Variants in ATAD5 observed in about 807,000 individuals in gnomAD.
ATAD5 encodes the protein ATPase family AAA domain-containing protein 5.
ATAD5 carries 58 observed loss-of-function variants against 176.9 expected under a neutral mutation model. The observed-to-expected ratio is 0.33, with a 90% CI of 0.27 to 0.41. The LOEUF (loss-of-function observed/expected upper bound fraction) is 0.41, where lower values mean the gene tolerates loss of function less well. ATAD5 is among the 10% of genes least tolerant of loss of function. The pLI, the probability that ATAD5 is intolerant of heterozygous loss-of-function variation, is 1.00. For synonymous variants in ATAD5, 640 were observed against 712.6 expected, an observed-to-expected ratio of 0.90 and a Z score of 1.62; for missense variants, 1,789 against 2,094.1, an observed-to-expected ratio of 0.85 and a Z score of 2.84.
chr17:30,879,736 G>A (rs1179636883), intron 18 of ATAD5, among the ~76,000 whole-genome samples: 3 of 151,744 alleles, frequency 2.0e-5, no homozygotes, highest in South Asian at 2.1e-4. Context: ...CTAATTTTTT[G>A]TATTTTTAGT....
At position 30,893,363 on chromosome 17, in the gene ATAD5, G is replaced by A; in HGVS notation, c.4510G>A (p.Val1504Ile). ...TCTTACAGAATTCCAAATGCGGAAT[G>A]TAGATTTTTTATATAGTAATCTTGA... is the stretch of plus-strand genomic sequence containing the variant. ...QLLTEFQMRN[V>I]DFLYSNLEFI... The change falls in exon 21 of 23, where the codon GTA (valine) becomes ATA (isoleucine). Residue 1504 changes from valine (V) to isoleucine (I), a missense_variant. Physicochemically the swap from Val to Ile is conservative, Grantham distance 29. Transcript: ENST00000321990. The A allele has an allele frequency of 1.3e-6, 2 of 1,598,038 alleles. No homozygotes were observed. The highest frequency in any genetic ancestry group is 1.7e-6 in the Non-Finnish European group (2 of 1,174,408).
intron 3 of ATAD5, 58 bp from the exon 4 acceptor site, chr17:30,840,556 CTAT>C (rs1310929754): frequency 8.8e-6 from 10 of 1,142,154 alleles, no homozygotes; most frequent in South Asian, 4.2e-5. Flanking sequence ...GTATTTTTTT[CTAT>C]TATTAAATAT....
At chr17:30,869,123 GC>G (rs2052430948) in intron 12 of ATAD5, 124 bp from the exon 13 acceptor site, 3 of 1,162,466 alleles carry the variant, frequency 2.6e-6, no homozygotes, top group South Asian at 3.1e-5. Context: ...ACTGCGTCCG[GC>G]CTGTATAAAG....
intron 17 of ATAD5, 22 bp from the exon 18 acceptor site, chr17:30,879,401 T>TGTG: frequency 7.4e-7 from 1 of 1,352,286 alleles, no homozygotes; most frequent in Non-Finnish European, 1.0e-6. Flanking sequence ...TTTTTTTTTT[T>TGTG]TGTGTGTGTG....
chr17:30,881,838 TGG>T lies in ATAD5; in HGVS notation c.4077+2353_4077+2354del, dbSNP rs1332108624. On this transcript the variant is annotated intron_variant, in intron 18 of 22. Transcript: ENST00000321990. ...TTGAGGTGGGAGGATCACTTGAGTA[TGG>T]GAGGCAGAGGTTGCAGTGAGCCAAG... 4.6e-5 allele frequency among the ~76,000 whole-genome samples: 7 copies of T among 152,118 alleles called. No individual in the cohort carries two copies. The East Asian group carries it at 1.4e-3, about 29-fold the overall frequency.
intron 6 of ATAD5, among the ~76,000 whole-genome samples, chr17:30,850,851 ATATATATATATATATATATTTTTTTTTTT>A (rs1906868953): frequency 2.1e-5 from 1 of 47,888 alleles, no homozygotes; most frequent in Non-Finnish European, 4.7e-5. Context: ...ATATATATAT[ATATATATATATATATATATTTTTTTTTTT>A]TTTTTTTTTT....
Position 30,860,577 on chromosome 17 carries a change from A to G in ATAD5, c.3101A>G (p.Asn1034Ser). The G allele has an allele frequency of 6.3e-7, 1 of 1,582,186 alleles. No homozygotes were observed. Residue 1034 changes from asparagine to serine, a missense_variant, in exon 10 of 23, where the codon AAC (asparagine) becomes AGC (serine). Coordinates refer to ENST00000321990, the MANE Select transcript of ATAD5 (RefSeq NM_024857.5). ...AAGTCAGAAGAACTTAGCAAAAGAA[A>G]CAACTCTTCTGGGATAAAGCTAGAT... ...NRKSEELSKR[N>S]NSSGIKLDSS...
chr17:30,833,958 A>C (rs1905532871), intron 1 of ATAD5, among the ~76,000 whole-genome samples, 190 bp from the exon 2 acceptor site: 1 of 152,214 alleles, frequency 6.6e-6, no homozygotes, highest in African/African-American at 2.4e-5. Flanking sequence ...CTGGGATTAC[A>C]GGCGTGAGCC....
intron 10 of ATAD5, chr17:30,864,821 T>G (rs926836732): frequency 1.3e-5 from 2 of 152,190 alleles, no homozygotes; most frequent in Admixed American, 1.3e-4. Context: ...AGGATATGAT[T>G]TTTTTCTTTT....
chr17:30,832,343 G>C lies in ATAD5; in HGVS notation c.-5G>C. 6.4e-7 allele frequency: 1 copy of C among 1,550,422 alleles called. No individual in the cohort carries two copies. The highest frequency in any genetic ancestry group is 8.7e-7 in the Non-Finnish European group (1 of 1,146,850). The stretch of plus-strand genomic sequence containing the variant: ...TAGGAGACGGGATTCCGGGAAGCGG[G>C]GAGTATGGTGGGGGTCCTGGCCATG... On this transcript the variant is annotated 5_prime_UTR_variant, in exon 1 of 23. Transcript: ENST00000321990.
chr17:30,839,367 C>T (rs1341567215), intron 3 of ATAD5, among the ~76,000 whole-genome samples: 1 of 148,022 alleles, frequency 6.8e-6, no homozygotes, highest in African/African-American at 2.5e-5. Context: ...GCTCACTGCA[C>T]TCTGCTTCAC....
At chr17:30,869,467 C>T (rs1366168093) in intron 13 of ATAD5, 29 bp from the exon 14 acceptor site, 3 of 1,608,964 alleles carry the variant, frequency 1.9e-6, no homozygotes, top group Non-Finnish European at 2.5e-6. Flanking sequence ...ACCATTCTCC[C>T]TTCGTTTTTT....
intron 18 of ATAD5, among the ~76,000 whole-genome samples, chr17:30,886,414 TTTC>T (rs1301670188): frequency 8.0e-5 from 12 of 149,142 alleles, no homozygotes; most frequent in African/African-American, 2.8e-4. Context: ...ATTTATTTAT[TTTC>T]GAGACAGAGT....
chr17:30,832,115 C>G lies in ATAD5; in HGVS notation c.-233C>G. ...GGCACCCTGCATACACTGGCCGCGC[C>G]TCAGGGATCTCATTGCCCGCGCTTT... On this transcript the variant is annotated 5_prime_UTR_variant, in exon 1 of 23. Transcript: ENST00000321990. 2.5e-6 allele frequency: 1 copy of G among 396,428 alleles called. No individual in the cohort carries two copies. The highest frequency in any genetic ancestry group is 4.4e-5 in the Admixed American group (1 of 22,580). The allele number at this position is 396,428 out of a possible 1,614,324, so 24.6% of individuals were successfully genotyped here.
In ATAD5 at chr17:30,876,319, C is replaced by T. The variant is rs1429052445; in HGVS notation, c.3608-55C>T. ...ATACAGAATGTGGCTAACTGTCTTG[C>T]TACCTGTATGATTTTTAGAATATTT... On this transcript the variant is annotated intron_variant, in intron 14 of 22. Coordinates refer to ENST00000321990, the MANE Select transcript of ATAD5 (RefSeq NM_024857.5). The T allele has an allele frequency of 2.7e-6, 4 of 1,459,134 alleles. No homozygotes were observed. The African/African-American group carries it at 4.3e-5, about 16-fold the overall frequency. The allele number at this position is 1,459,134 out of a possible 1,614,324, so 90.4% of individuals were successfully genotyped here.
At position 30,834,743 on chromosome 17, in the gene ATAD5, C is replaced by A. The variant is rs755590738; in HGVS notation, c.662C>A (p.Pro221His). The part of the protein sequence containing the change: ...RDVVDLSESL[P>H]LAEELNLLKK... ...GTAGTAGATCTATCTGAAAGCTTAC[C>A]CTTGGCAGAGGAACTAAATTTGCTT... The change falls in exon 2 of 23, where the codon CCC becomes CAC. Residue 221 changes from proline (P) to histidine (H), a missense_variant. By Grantham distance (77) the Pro-to-His change is moderately conservative. Around this residue, in one of 6 missense-constraint regions of ATAD5, gnomAD observed 696 missense variants for 712.5 expected, o/e 0.98. Transcript: ENST00000321990. The A allele has an allele frequency of 1.2e-5, 20 of 1,613,626 alleles. No individual in the cohort carries two copies. In the South Asian group the frequency reaches 2.1e-4, roughly 17 times the overall value.
chr17:30,874,879 T>C (rs1194064454), intron 14 of ATAD5, among the ~76,000 whole-genome samples: 3 of 152,040 alleles, frequency 2.0e-5, no homozygotes, highest in Non-Finnish European at 4.4e-5. Flanking sequence ...TCTGCCTGCC[T>C]TGGCCCCCCA....
chr17:30,888,433 A>T (rs1228247811), intron 19 of ATAD5, among the ~76,000 whole-genome samples: 1 of 151,896 alleles, frequency 6.6e-6, no homozygotes, highest in African/African-American at 2.4e-5. Context: ...GGTCCTAGCT[A>T]CTTGGGAGGC....
intron 14 of ATAD5, among the ~76,000 whole-genome samples, chr17:30,874,762 CTGGGAT>C (rs1336890116): frequency 6.6e-6 from 1 of 151,184 alleles, no homozygotes. Context: ...TCCCGAGTAG[CTGGGAT>C]TACAGGCACC....
Sources: allele counts gnomAD v4.1 joint callset (sites outside exome capture counted in the v4.1 genomes callset), GRCh38; gene constraint gnomAD v4.1.1; regional missense constraint gnomAD v4.1.1; transcripts MANE v1.5; gene names NCBI Gene and HGNC (gene_info 2026-07-23, HGNC 2026-07-21).